RAD54B: variants seen among roughly 807,000 people sequenced by gnomAD.
RAD54B encodes RAD54 homolog B, also known as DNA repair and recombination protein RAD54B.
In RAD54B, 78 loss-of-function variants were observed where a neutral mutation model predicts 95.8. The ratio of observed to expected loss-of-function variants is 0.81; its 90% confidence interval spans 0.68 to 0.98. The LOEUF (loss-of-function observed/expected upper bound fraction) is 0.98. Ranked by LOEUF, RAD54B falls within the 50% of genes least tolerant of loss-of-function variation. The pLI is 0.00. For missense variants in RAD54B, 957 were observed against 1,056.6 expected, an observed-to-expected ratio of 0.91 and a Z score of 1.31; for synonymous variants, 328 against 354.9, an observed-to-expected ratio of 0.92 and a Z score of 0.85.
chr8:94,404,151 A>T lies in RAD54B; in HGVS notation c.870T>A (p.Pro290=). The T allele has an allele frequency of 6.2e-7, 1 of 1,610,850 alleles. No individual in the cohort carries two copies. The highest frequency in any genetic ancestry group is 8.5e-7 in the Non-Finnish European group (1 of 1,177,440). Residue 290 remains proline (P), a synonymous_variant, in exon 6 of 15, where the codon CCT becomes CCA. Coordinates refer to ENST00000336148, the MANE Select transcript of RAD54B (RefSeq NM_012415.3). ...GTGGTCGAAGATGATATACAAGGTA[A>T]GGATCAATCACTACATCCACAAGAG... The part of the protein sequence containing the change: ...CFPLVDVVID[P]YLVYHLRPHQ...
chr8:94,378,657 C>T (rs771402807), intron 12 of RAD54B, 23 bp from the exon 13 acceptor site: 1 of 1,538,462 alleles, frequency 6.5e-7, no homozygotes, highest in Non-Finnish European at 8.9e-7. Flanking sequence ...AGTGAGAATT[C>T]TGAGAGTACA....
chr8:94,397,219 T>C (rs1811168586), intron 8 of RAD54B, among the ~76,000 whole-genome samples: 1 of 152,192 alleles, frequency 6.6e-6, no homozygotes, highest in South Asian at 2.1e-4. Flanking sequence ...ACCTATCATG[T>C]ATATATCACT....
At chr8:94,442,653 T>C (rs754647915) in intron 3 of RAD54B, among the ~76,000 whole-genome samples, 20 of 151,050 alleles carry the variant, frequency 1.3e-4, no homozygotes, top group Admixed American at 1.3e-3. Flanking sequence ...ACGGTGACTA[T>C]AGTCAACAAC....
In RAD54B at chr8:94,425,689, C is replaced by A. The variant is rs374870522; in HGVS notation, c.305-14374G>T. Reference sequence around the variant, plus strand: ...TAAGTATCAATAAGTATAAAATAAACCTAGAAGATATTTCTTTGCATTAAA... The same window carrying A: ...TAAGTATCAATAAGTATAAAATAAAACTAGAAGATATTTCTTTGCATTAAA... On this transcript the variant is annotated intron_variant, in intron 3 of 14. Transcript: ENST00000336148. 4.6e-5 allele frequency among the ~76,000 whole-genome samples: 7 copies of A among 151,830 alleles called. No homozygotes were observed. The East Asian group carries it at 7.7e-4, about 17-fold the overall frequency.
intron 14 of RAD54B, among the ~76,000 whole-genome samples, chr8:94,374,908 T>C (rs1409474269): frequency 6.6e-6 from 1 of 152,148 alleles, no homozygotes; most frequent in Non-Finnish European, 1.5e-5. Context: ...AGAACTATGG[T>C]TTTTAAACTT....
intron 3 of RAD54B, among the ~76,000 whole-genome samples, chr8:94,456,612 C>G (rs1293804867): frequency 6.6e-6 from 1 of 151,986 alleles, no homozygotes; most frequent in African/African-American, 2.4e-5. Context: ...TCTTTCAACT[C>G]GAGAGTTTGT....
chr8:94,446,628 G>A (rs1321603093), intron 3 of RAD54B, among the ~76,000 whole-genome samples: 3 of 152,174 alleles, frequency 2.0e-5, no homozygotes, highest in African/African-American at 7.2e-5. Context: ...GTTCCCTCCT[G>A]TCTCCTATTT....
At position 94,378,368 on chromosome 8, in the gene RAD54B, T is replaced by G. The variant is rs1398361170; in HGVS notation, c.2327A>C (p.Glu776Ala). ...YRLLTTGTIE[E>A]KIYQRQISKQ... ...ACTGATCTGCCTTTGATAGATCTTT[T>G]CTTCTATTGTACCTAAAGAGAAAAC... The change falls in exon 14 of 15, where the codon GAA becomes GCA. Residue 776 changes from glutamate to alanine, a missense_variant. Transcript: ENST00000336148. The G allele has an allele frequency of 6.2e-7, 1 of 1,612,660 alleles. No homozygotes were observed. Among genetic ancestry groups the G allele is most frequent in the Non-Finnish European group, 8.5e-7 (1 of 1,179,398 alleles).
chr8:94,414,152 T>A (rs1308507880), intron 3 of RAD54B, among the ~76,000 whole-genome samples: 3 of 152,116 alleles, frequency 2.0e-5, no homozygotes, highest in East Asian at 3.9e-4. Flanking sequence ...TTCTTATAGT[T>A]TAAAAATAAG....
At chr8:94,422,518 C>G (rs1367834610) in intron 3 of RAD54B, among the ~76,000 whole-genome samples, 1 of 131,508 alleles carries the variant, frequency 7.6e-6, no homozygotes. Flanking sequence ...ATCCGGGAGG[C>G]GGAGGTTGCA....
At chr8:94,372,441 A>G in intron 14 of RAD54B, 54 bp from the exon 15 acceptor site, 1 of 1,582,244 alleles carries the variant, frequency 6.3e-7, no homozygotes, top group Non-Finnish European at 8.5e-7. Context: ...ATCCTGCTAA[A>G]TACAATACTT....
chr8:94,427,942 AT>A, intron 3 of RAD54B: 2 of 843,016 alleles, frequency 2.4e-6, no homozygotes, highest in Non-Finnish European at 2.8e-6. Context: ...AAAAAAAAAA[AT>A]GAAATAACAC....
intron 10 of RAD54B, chr8:94,387,373 A>T: frequency 5.1e-6 from 2 of 394,570 alleles, no homozygotes; most frequent in South Asian, 7.1e-5. Context: ...GTTCTAACGC[A>T]GTCTCATGCC....
At chr8:94,438,974 TC>T (rs1276082139) in intron 3 of RAD54B, among the ~76,000 whole-genome samples, 1 of 152,050 alleles carries the variant, frequency 6.6e-6, no homozygotes, top group East Asian at 1.9e-4. Flanking sequence ...TGCCTGTAGT[TC>T]CAGCTATTCG....
rs1811238460 is a variant in RAD54B at position 94,400,252 on chromosome 8, A to G, written c.1156T>C (p.Phe386Leu). The G allele has an allele frequency of 6.8e-6, 11 of 1,612,142 alleles. No individual in the cohort carries two copies. Among genetic ancestry groups the G allele is most frequent in the Non-Finnish European group, 8.5e-6 (10 of 1,178,380 alleles). Reference sequence around the variant, plus strand: ...AAGTTTCTTACCTGATCAACAGTAAATATCTTGATCCTTTCACTTCCTAGC... The same window carrying G: ...AAGTTTCTTACCTGATCAACAGTAAGTATCTTGATCCTTTCACTTCCTAGC... ...KWLGSERIKI[F>L]TVDQDHKVEE... The change falls in exon 7 of 15, where the codon TTT becomes CTT. Residue 386 changes from phenylalanine to leucine, a missense_variant. Physicochemically the swap from Phe to Leu is conservative, Grantham distance 22. Transcript: ENST00000336148.
At chr8:94,404,366 T>A (rs1252091495) in intron 5 of RAD54B, 127 bp from the exon 6 acceptor site, 4 of 840,114 alleles carry the variant, frequency 4.8e-6, no homozygotes, top group Non-Finnish European at 6.9e-6. Context: ...CAAAATTTAG[T>A]CACAGTAATG....
Position 94,458,443 on chromosome 8 carries a change from G to C in RAD54B, c.136-7C>G. ...TGTTATTAATTGCAACACCCTAAAAGAAACAAATATATATTTAAATCAGAA... is the reference window on the plus strand; with the variant it reads ...TGTTATTAATTGCAACACCCTAAAACAAACAAATATATATTTAAATCAGAA... On this transcript the variant is annotated splice_region_variant and splice_polypyrimidine_tract_variant and intron_variant, in intron 2 of 14. Transcript: ENST00000336148. The C allele has an allele frequency of 6.5e-7, 1 of 1,542,646 alleles. No homozygotes were observed. The highest frequency in any genetic ancestry group is 8.7e-7 in the Non-Finnish European group (1 of 1,149,084).
At chr8:94,432,399 G>A in intron 3 of RAD54B, 3 of 1,550,362 alleles carry the variant, frequency 1.9e-6, no homozygotes, top group Non-Finnish European at 1.7e-6. Flanking sequence ...ATCTCTCCTT[G>A]GAATAGAAGA....
rs976837520 is a variant in RAD54B at position 94,423,092 on chromosome 8, A to G, written c.305-11777T>C. Reference sequence around the variant, plus strand: ...CCAATTTTTATTTTCATTGACAAAGACTTGTTACCGGCCGGGCACGGTGGC... The same window carrying G: ...CCAATTTTTATTTTCATTGACAAAGGCTTGTTACCGGCCGGGCACGGTGGC... On this transcript the variant is annotated intron_variant, in intron 3 of 14. Coordinates refer to ENST00000336148, the MANE Select transcript of RAD54B (RefSeq NM_012415.3). 2.0e-5 allele frequency among the ~76,000 whole-genome samples: 3 copies of G among 151,968 alleles called. 1 individual carries two copies. Among genetic ancestry groups the G allele is most frequent in the South Asian group, 4.2e-4 (2 of 4,814 alleles).
Sources: gnomAD v4.1 joint callset for allele counts (sites outside exome capture counted in the v4.1 genomes callset) on GRCh38, gnomAD v4.1.1 for gene constraint, MANE v1.5 for transcripts, NCBI Gene and HGNC (gene_info 2026-07-23, HGNC 2026-07-21) for gene names.